TGM4: variants seen among roughly 807,000 people sequenced by gnomAD.
TGM4 encodes the protein transglutaminase 4.
A neutral mutation model predicts 76.3 loss-of-function variants in TGM4; 61 were observed. The observed-to-expected ratio is 0.80, with a 90% CI of 0.65 to 0.99. The LOEUF (loss-of-function observed/expected upper bound fraction) is 0.99. Among genes scored for constraint, TGM4 ranks in the 50% least tolerant of loss-of-function variants. The pLI, the probability that TGM4 is intolerant of heterozygous loss-of-function variation, is 0.00. For synonymous variants in TGM4, 337 were observed against 329.8 expected (o/e 1.02, Z -0.24); for missense variants, 794 against 843.2 (o/e 0.94, Z 0.72).
intron 13 of TGM4, among the ~76,000 whole-genome samples, chr3:44,912,833 A>G (rs548083945): frequency 6.6e-6 from 1 of 152,326 alleles, no homozygotes; most frequent in East Asian, 1.9e-4. Context: ...ATGCATCAAT[A>G]TTATAGCTTT....
intron 8 of TGM4, among the ~76,000 whole-genome samples, chr3:44,902,988 G>A (rs976664071): frequency 7.2e-5 from 11 of 152,212 alleles, no homozygotes; most frequent in African/African-American, 2.4e-4. Context: ...TCTAGTTCAC[G>A]TACCAAGATG....
In TGM4 at chr3:44,901,669, G is replaced by T. The variant is rs1348687653; in HGVS notation, c.803G>T (p.Cys268Phe). 1 of 1,614,074 alleles carries T rather than the reference G, an allele frequency of 6.2e-7. No individual in the cohort carries two copies. The highest frequency in any genetic ancestry group is 8.5e-7 in the Non-Finnish European group (1 of 1,180,032). Residue 268 changes from cysteine to phenylalanine, a missense_variant, in exon 7 of 14, where the codon TGC (cysteine) becomes TTC (phenylalanine). Transcript: ENST00000296125. ...NTKQAVCFGQCWVFAGILTTV... is the reference protein window; with the variant it reads ...NTKQAVCFGQFWVFAGILTTV... ...AAGCAGGCTGTGTGCTTTGGCCAGT[G>T]CTGGGTGTTTGCTGGGATCCTGACT...
intron 10 of TGM4, among the ~76,000 whole-genome samples, chr3:44,908,745 T>C (rs1380901883): frequency 1.3e-5 from 2 of 152,216 alleles, no homozygotes; most frequent in Non-Finnish European, 2.9e-5. Context: ...TTTTTAGTTT[T>C]TTGAATATAT....
At chr3:44,884,425 C>G (rs1291544042) in intron 1 of TGM4, among the ~76,000 whole-genome samples, 1 of 152,138 alleles carries the variant, frequency 6.6e-6, no homozygotes, top group East Asian at 1.9e-4. Flanking sequence ...GTGTATTATG[C>G]ATGTGGAGAT....
rs564891589 is a variant in TGM4 at position 44,912,230 on chromosome 3, T to G, written c.1913+824T>G. 2.3e-4 allele frequency among the ~76,000 whole-genome samples: 35 copies of G among 152,386 alleles called. 1 individual carries two copies. In the South Asian group the frequency reaches 7.2e-3, roughly 32 times the overall value. On this transcript the variant is annotated intron_variant, in intron 13 of 13. Transcript: ENST00000296125. ...TTTCAATCTTTTCCTTTACGGATACTGAATTTCATGTCATCCTAGGTGCAT... is the reference window on the plus strand; with the variant it reads ...TTTCAATCTTTTCCTTTACGGATACGGAATTTCATGTCATCCTAGGTGCAT...
Position 44,890,382 on chromosome 3 carries a change from C to A in TGM4, c.301-221C>A, listed in dbSNP as rs113154972. ...CAGTCTCTCCAGGGCCCTTGCAAGA[C>A]GTGCCAAAACTTCATGCTGTATGGA... is the stretch of plus-strand genomic sequence containing the variant. On this transcript the variant is annotated intron_variant, in intron 3 of 13. Coordinates refer to ENST00000296125, the MANE Select transcript of TGM4 (RefSeq NM_003241.4). 268 of 522,624 alleles carry A rather than the reference C, an allele frequency of 5.1e-4. 1 individual carries two copies. The highest frequency in any genetic ancestry group is 3.1e-3 in the African/African-American group (166 of 52,950). 32.4% of individuals were successfully genotyped at this position (522,624 alleles called of 1,614,324 possible).
chr3:44,885,521 A>G, intron 2 of TGM4, 23 bp downstream of exon 2: 1 of 1,599,846 alleles, frequency 6.3e-7, no homozygotes, highest in Non-Finnish European at 8.5e-7. Flanking sequence ...GGCCCTACTC[A>G]TGGGGCTTTG....
In TGM4 at chr3:44,890,834, T is replaced by C; in HGVS notation, c.430+102T>C. ...GAGCTTTTGTTTGCTCTCAAGGTAC[T>C]TGCAAACTAGTTTAAGGGATGTGAC... On this transcript the variant is annotated intron_variant, in intron 4 of 13. Coordinates refer to ENST00000296125, the MANE Select transcript of TGM4 (RefSeq NM_003241.4). The C allele has an allele frequency of 2.8e-6, 4 of 1,440,446 alleles. No individual in the cohort carries two copies. The South Asian group carries it at 5.4e-5, about 19-fold the overall frequency. The allele number at this position is 1,440,446 out of a possible 1,614,324, so 89.2% of individuals were successfully genotyped here.
intron 2 of TGM4, among the ~76,000 whole-genome samples, chr3:44,885,874 T>C (rs772172112): frequency 6.6e-6 from 1 of 152,204 alleles, no homozygotes; most frequent in Non-Finnish European, 1.5e-5. Flanking sequence ...ATGATTAAAA[T>C]ATCATATTTT....
intron 1 of TGM4, 115 bp from the exon 2 acceptor site, chr3:44,885,210 G>A (rs544319611): frequency 2.9e-5 from 32 of 1,101,084 alleles, no homozygotes; most frequent in African/African-American, 1.4e-4. Context: ...AGGGATGCCC[G>A]ACTCTAAAGC....
At position 44,910,241 on chromosome 3, in the gene TGM4, T is replaced by C. The variant is rs773593081; in HGVS notation, c.1479T>C (p.Ile493=). The C allele has an allele frequency of 6.2e-7, 1 of 1,614,222 alleles. No individual in the cohort carries two copies. Among genetic ancestry groups the C allele is most frequent in the Non-Finnish European group, 8.5e-7 (1 of 1,180,038 alleles). ...LLGNSVNFTV[I]LKRKTAALQN... is the part of the protein sequence containing the mutation. ...GAAACTCTGTTAATTTCACCGTGAT[T>C]CTTAAAAGGAAGACCGCTGCCCTAC... is the stretch of plus-strand genomic sequence containing the variant. Residue 493 remains isoleucine, a synonymous_variant, in exon 11 of 14, where the codon ATT becomes ATC. Transcript: ENST00000296125.
At chr3:44,884,790 G>C (rs970373711) in intron 1 of TGM4, among the ~76,000 whole-genome samples, 2 of 152,172 alleles carry the variant, frequency 1.3e-5, no homozygotes, top group Non-Finnish European at 2.9e-5. Flanking sequence ...GATGGTGTCT[G>C]ACTTGAAGCT....
At chr3:44,904,071 C>A in intron 9 of TGM4, 84 bp downstream of exon 9, 1 of 1,219,286 alleles carries the variant, frequency 8.2e-7, no homozygotes, top group Non-Finnish European at 1.2e-6. Context: ...GGTATGCAGC[C>A]AAGCAGGTGG....
At chr3:44,909,729 A>G (rs781110007) in intron 10 of TGM4, among the ~76,000 whole-genome samples, 2 of 152,178 alleles carry the variant, frequency 1.3e-5, no homozygotes, top group Non-Finnish European at 2.9e-5. Context: ...CCACAAAACT[A>G]TTCTTACTGA....
At chr3:44,899,463 G>C (rs908361587) in intron 6 of TGM4, 1 of 152,198 alleles carries the variant, frequency 6.6e-6, no homozygotes, top group African/African-American at 2.4e-5. Context: ...GGGAGTCTGA[G>C]AACCCCAGCC....
rs111768659 is a variant in TGM4, at chr3:44,902,908, T to A, written c.972-976T>A. Among the ~76,000 whole-genome samples the A allele has an allele frequency of 7.2e-3, 1,095 of 152,260 alleles. 13 individuals carry two copies. Among genetic ancestry groups the A allele is most frequent in the African/African-American group, 0.024 (997 of 41,538 alleles). On this transcript the variant is annotated intron_variant, in intron 8 of 13. Transcript: ENST00000296125. ...ACGAGGTGGGAAGGTCAGGGCATGATTACAAATTCCCGAGGCATTTCAGTT... is the reference window on the plus strand; with the variant it reads ...ACGAGGTGGGAAGGTCAGGGCATGAATACAAATTCCCGAGGCATTTCAGTT...
intron 4 of TGM4, among the ~76,000 whole-genome samples, chr3:44,891,868 G>A (rs1699703564): frequency 6.6e-6 from 1 of 151,954 alleles, no homozygotes; most frequent in Admixed American, 6.6e-5. Flanking sequence ...TCAGCTACTA[G>A]GGAGGCTGAG....
intron 1 of TGM4, among the ~76,000 whole-genome samples, chr3:44,875,189 T>G (rs571480615): frequency 1.4e-4 from 21 of 152,372 alleles, no homozygotes; most frequent in Admixed American, 1.2e-3. Flanking sequence ...ACAGATTTTA[T>G]GCAGATTTCA....
chr3:44,903,649 G>C, intron 8 of TGM4: 1 of 538,114 alleles, frequency 1.9e-6, no homozygotes, highest in South Asian at 2.3e-5. Flanking sequence ...GGTCTCATGA[G>C]GTTCCCCCAG....
Sources: allele counts gnomAD v4.1 joint callset (sites outside exome capture counted in the v4.1 genomes callset), GRCh38; gene constraint gnomAD v4.1.1; transcripts MANE v1.5; gene names NCBI Gene and HGNC (gene_info 2026-07-23, HGNC 2026-07-21).